Variants in AGBL4 observed in about 807,000 individuals in gnomAD.
AGBL4 encodes cytosolic carboxypeptidase 6.
AGBL4 carries 58 observed loss-of-function variants against 66.4 expected under a neutral mutation model. That is an observed-to-expected ratio of 0.87 (90% confidence interval 0.71 to 1.09). The LOEUF (loss-of-function observed/expected upper bound fraction) is 1.09. Among genes scored for constraint, AGBL4 ranks in the 50% least tolerant of loss-of-function variants. AGBL4 has a pLI of 0.00. For missense variants in AGBL4, 579 were observed against 631.0 expected, an observed-to-expected ratio of 0.92 and a Z score of 0.88; for synonymous variants, 234 against 222.9, an observed-to-expected ratio of 1.05 and a Z score of -0.44.
chr1:48,591,093 C>CCA, intron 9 of AGBL4, 108 bp from the exon 10 acceptor site: 9 of 737,890 alleles, frequency 1.2e-5, no homozygotes, highest in South Asian at 1.0e-4. Context: ...CCCACCCACC[C>CCA]CCCCCCACAC....
chr1:48,659,678 A>G (rs1014600977), intron 7 of AGBL4, among the ~76,000 whole-genome samples: 2 of 152,182 alleles, frequency 1.3e-5, no homozygotes, highest in African/African-American at 4.8e-5. Context: ...CCCTCTCAGG[A>G]AGGCGACGAG....
chr1:49,842,326 G>A, intron 2 of AGBL4: 1 of 538,498 alleles, frequency 1.9e-6, no homozygotes, highest in South Asian at 1.8e-5. Flanking sequence ...TCACCTCCCT[G>A]CTGGAGCAAG....
At chr1:48,955,034 G>A (rs1657317791) in intron 5 of AGBL4, among the ~76,000 whole-genome samples, 1 of 152,140 alleles carries the variant, frequency 6.6e-6, no homozygotes, top group Non-Finnish European at 1.5e-5. Flanking sequence ...CTATTAAGAG[G>A]GATGAGAAGA....
chr1:48,689,219 A>AAAAAAAAAAAAAG (rs1553207682), intron 6 of AGBL4, among the ~76,000 whole-genome samples: 17 of 141,570 alleles, frequency 1.2e-4, no homozygotes, highest in African/African-American at 5.3e-4. Flanking sequence ...AAAAAAAAAA[A>AAAAAAAAAAAAAG]AAAAGAAAAG....
chr1:48,628,359 C>T (rs1263931259), intron 9 of AGBL4, among the ~76,000 whole-genome samples: 1 of 152,156 alleles, frequency 6.6e-6, no homozygotes, highest in Non-Finnish European at 1.5e-5. Context: ...TGAGGACTCT[C>T]CATGGACTAC....
intron 4 of AGBL4, among the ~76,000 whole-genome samples, chr1:49,062,684 C>T (rs1432684641): frequency 6.6e-6 from 1 of 152,142 alleles, no homozygotes; most frequent in Non-Finnish European, 1.5e-5. Flanking sequence ...TTCTCAATGA[C>T]ATCTTATACA....
At chr1:49,613,414 C>T (rs950097441) in intron 3 of AGBL4, among the ~76,000 whole-genome samples, 3 of 152,190 alleles carry the variant, frequency 2.0e-5, no homozygotes, top group Non-Finnish European at 4.4e-5. Context: ...CGGTACCAGG[C>T]CATTCCCTGT....
chr1:48,881,611 A>G (rs1649792174), intron 5 of AGBL4, among the ~76,000 whole-genome samples: 1 of 152,186 alleles, frequency 6.6e-6, no homozygotes, highest in African/African-American at 2.4e-5. Context: ...AAAGTTGGAA[A>G]TACACATCTA....
At chr1:48,595,034 T>A (rs1644974916) in intron 9 of AGBL4, among the ~76,000 whole-genome samples, 1 of 152,200 alleles carries the variant, frequency 6.6e-6, no homozygotes, top group Non-Finnish European at 1.5e-5. Flanking sequence ...GAATCTTCAC[T>A]GAATTAAGCC....
At chr1:49,170,291 T>C (rs1292459468) in intron 4 of AGBL4, among the ~76,000 whole-genome samples, 1 of 145,016 alleles carries the variant, frequency 6.9e-6, no homozygotes, top group Non-Finnish European at 1.5e-5. Flanking sequence ...ATTATAAATT[T>C]ATATTCATAT....
At chr1:49,282,940 G>C (rs1467615487) in intron 3 of AGBL4, among the ~76,000 whole-genome samples, 1 of 152,184 alleles carries the variant, frequency 6.6e-6, no homozygotes, top group African/African-American at 2.4e-5. Flanking sequence ...AGCGAGGCTG[G>C]GGGAGGGGCG....
At chr1:48,755,862 A>T (rs1245569629) in intron 6 of AGBL4, among the ~76,000 whole-genome samples, 1 of 152,222 alleles carries the variant, frequency 6.6e-6, no homozygotes, top group Non-Finnish European at 1.5e-5. Context: ...CATTTGGTCA[A>T]TGTTAGCTGA....
chr1:49,980,424 C>T (rs1221767604), intron 1 of AGBL4, among the ~76,000 whole-genome samples: 1 of 152,146 alleles, frequency 6.6e-6, no homozygotes, highest in Admixed American at 6.5e-5. Context: ...CAAACAACTT[C>T]CCATTTCCAC....
chr1:48,728,482 C>CTT lies in AGBL4; in HGVS notation c.635-65243_635-65242dup, dbSNP rs11441549. Among the ~76,000 whole-genome samples the CTT allele has an allele frequency of 1.8e-3, 241 of 137,124 alleles. 2 individuals carry two copies. Among genetic ancestry groups the CTT allele is most frequent in the East Asian group, 0.015 (71 of 4,844 alleles). The allele number at this position is 137,124 out of a possible 152,430, so 90.0% of individuals were successfully genotyped here. On this transcript the variant is annotated intron_variant, in intron 6 of 13. Coordinates refer to ENST00000371839, the MANE Select transcript of AGBL4 (RefSeq NM_032785.4). Reference sequence around the variant, plus strand: ...GTGCCCACTCTATCATTCTGACTTGCTTTTTTTTTTTTTTTTACTCAAATG... The same window carrying CTT: ...GTGCCCACTCTATCATTCTGACTTGCTTTTTTTTTTTTTTTTTTACTCAAATG...
At chr1:49,211,474 G>A (rs1398962170) in intron 4 of AGBL4, among the ~76,000 whole-genome samples, 1 of 152,056 alleles carries the variant, frequency 6.6e-6, no homozygotes, top group Non-Finnish European at 1.5e-5. Context: ...CAATCTTATA[G>A]GGTTTTTATG....
chr1:49,554,266 C>T (rs1241426174), intron 3 of AGBL4, among the ~76,000 whole-genome samples: 1 of 152,114 alleles, frequency 6.6e-6, no homozygotes, highest in Non-Finnish European at 1.5e-5. Context: ...CAGAGAAGTT[C>T]CGATAAATAA....
chr1:49,388,701 G>A (rs1233459307), intron 3 of AGBL4, among the ~76,000 whole-genome samples: 1 of 152,222 alleles, frequency 6.6e-6, no homozygotes, highest in African/African-American at 2.4e-5. Flanking sequence ...ATGCTAATAC[G>A]TAATATCCGG....
At chr1:48,961,778 T>C (rs1455236169) in intron 5 of AGBL4, among the ~76,000 whole-genome samples, 1 of 152,158 alleles carries the variant, frequency 6.6e-6, no homozygotes, top group Non-Finnish European at 1.5e-5. Context: ...GTTAGAACAA[T>C]ATGAACCTTT....
chr1:49,463,307 G>C (rs1477850724), intron 3 of AGBL4, among the ~76,000 whole-genome samples: 1 of 151,658 alleles, frequency 6.6e-6, no homozygotes, highest in Non-Finnish European at 1.5e-5. Flanking sequence ...TGGTTTTCCA[G>C]AGACAGTCCT....
Sources: allele counts gnomAD v4.1 joint callset (sites outside exome capture counted in the v4.1 genomes callset), GRCh38; gene constraint gnomAD v4.1.1; transcripts MANE v1.5; gene names NCBI Gene and HGNC (gene_info 2026-07-23, HGNC 2026-07-21).